Variants in TMEM38A observed in about 807,000 individuals in gnomAD.
TMEM38A encodes the protein transmembrane protein 38A.
TMEM38A carries 17 observed loss-of-function variants against 28.6 expected under a neutral mutation model. The ratio of observed to expected loss-of-function variants is 0.60; its 90% CI spans 0.41 to 0.89. The LOEUF (loss-of-function observed/expected upper bound fraction) is 0.89. Among genes scored for constraint, TMEM38A ranks in the 40% least tolerant of loss-of-function variants. The pLI, the probability that TMEM38A is intolerant of heterozygous loss-of-function variation, is 0.00. For synonymous variants in TMEM38A, 169 were observed against 166.1 expected, an observed-to-expected ratio of 1.02 and a Z score of -0.14; for missense variants, 328 against 393.1, an observed-to-expected ratio of 0.83 and a Z score of 1.40.
chr19:16,679,948 G>T, intron 1 of TMEM38A, 36 bp from the exon 2 acceptor site: 1 of 1,562,354 alleles, frequency 6.4e-7, no homozygotes, highest in Non-Finnish European at 8.6e-7. Context: ...CCCTTGGCAT[G>T]CTGGTGATGA....
chr19:16,661,323 T>C lies in TMEM38A; in HGVS notation c.106T>C (p.Tyr36His). The change falls in exon 1 of 6, where the codon TAC (tyrosine) becomes CAC (histidine). Residue 36 changes from tyrosine to histidine, a missense_variant. Tyr to His is a moderately conservative substitution (Grantham distance 83). Coordinates refer to ENST00000187762, the MANE Select transcript of TMEM38A (RefSeq NM_024074.4). This position sits in a 1 kb window ranked among gnomAD's most constrained non-coding sequence, Gnocchi z 6.5. ...CAGTTACTTCATCGTCTCCATCCTC[T>C]ACCTCAAGTATGAGCCAGGTGAGCC... ...DLSYFIVSILYLKYEPGAVEL... is the reference protein window; with the variant it reads ...DLSYFIVSILHLKYEPGAVEL... 1 of 1,590,396 alleles carries C rather than the reference T, an allele frequency of 6.3e-7. No homozygotes were observed. Among genetic ancestry groups the C allele is most frequent in the East Asian group, 2.4e-5 (1 of 42,036 alleles).
chr19:16,679,999 C>T lies in TMEM38A; in HGVS notation c.140C>T (p.Ser47Phe). ...LKYEPGAVEL[S>F]RRHPIASWLC... ...TGCCTCCCAGGAGCAGTCGAACTGTCCCGGCGCCACCCCATCGCGTCCTGG... is the reference window on the plus strand; with the variant it reads ...TGCCTCCCAGGAGCAGTCGAACTGTTCCGGCGCCACCCCATCGCGTCCTGG... The change falls in exon 2 of 6, where the codon TCC becomes TTC. Residue 47 changes from serine to phenylalanine, a missense_variant. Transcript: ENST00000187762. 6.2e-7 allele frequency: 1 copy of T among 1,607,140 alleles called. No individual in the cohort carries two copies.
Position 16,667,006 on chromosome 19 carries a change from C to G in TMEM38A, c.124+5665C>G, listed in dbSNP as rs1342684834. Among the ~76,000 whole-genome samples, 3 of 150,476 alleles carry G rather than the reference C, an allele frequency of 2.0e-5. No homozygotes were observed. The East Asian group carries it at 5.9e-4, about 29-fold the overall frequency. On this transcript the variant is annotated intron_variant, in intron 1 of 5. Coordinates refer to ENST00000187762, the MANE Select transcript of TMEM38A (RefSeq NM_024074.4). ...AGTTCTGGCCAAGCTCAGTGGCTCA[C>G]ACTTGTAATCCTAACACTTTGGGAG...
intron 4 of TMEM38A, among the ~76,000 whole-genome samples, chr19:16,684,302 C>T (rs888203349): frequency 2.7e-5 from 4 of 150,232 alleles, no homozygotes; most frequent in African/African-American, 7.3e-5. Flanking sequence ...TACAACATCC[C>T]ATCTCTAAAA....
At chr19:16,667,044 G>A (rs867729068) in intron 1 of TMEM38A, among the ~76,000 whole-genome samples, 25 of 151,476 alleles carry the variant, frequency 1.7e-4, no homozygotes, top group African/African-American at 5.6e-4. Flanking sequence ...CGAGGCGGGC[G>A]GATCACCCGA....
chr19:16,683,343 C>G (rs1448900861), intron 4 of TMEM38A, among the ~76,000 whole-genome samples: 1 of 151,744 alleles, frequency 6.6e-6, no homozygotes, highest in Non-Finnish European at 1.5e-5. Flanking sequence ...AATCTCTGCA[C>G]TTTGGGAGGC....
chr19:16,674,002 C>T (rs1377276282), intron 1 of TMEM38A, among the ~76,000 whole-genome samples: 1 of 151,966 alleles, frequency 6.6e-6, no homozygotes, highest in Admixed American at 6.6e-5. Context: ...ACTTGGAAGG[C>T]TCAAGCCCAG....
chr19:16,667,182 T>C (rs542317364), intron 1 of TMEM38A, among the ~76,000 whole-genome samples: 18 of 150,586 alleles, frequency 1.2e-4, no homozygotes, highest in South Asian at 8.3e-4. Context: ...GGCAGGAGAA[T>C]CACTTGAACC....
chr19:16,682,609 G>C (rs771422573), intron 4 of TMEM38A, 101 bp downstream of exon 4: 8 of 1,032,838 alleles, frequency 7.7e-6, no homozygotes, highest in Non-Finnish European at 1.1e-5. Context: ...CTCAACCCTT[G>C]ACTCTGCCTT....
rs2086799245 is a variant in TMEM38A at position 16,685,798 on chromosome 19, A to G, written c.555-490A>G. On this transcript the variant is annotated intron_variant, in intron 4 of 5. Transcript: ENST00000187762. ...AGGGCATATTCCAGGAGCTGGACAA[A>G]GGCCAGATCTTTCCTTGGACCAGGT... is the stretch of plus-strand genomic sequence containing the variant. 2.0e-5 allele frequency among the ~76,000 whole-genome samples: 3 copies of G among 152,232 alleles called. No individual in the cohort carries two copies. In the South Asian group the frequency reaches 6.2e-4, roughly 32 times the overall value.
intron 1 of TMEM38A, among the ~76,000 whole-genome samples, chr19:16,668,678 C>A (rs1034458589): frequency 6.6e-6 from 1 of 151,554 alleles, no homozygotes; most frequent in South Asian, 2.1e-4. Flanking sequence ...CAGAGTTTTG[C>A]CTTTTCCAGA....
intron 1 of TMEM38A, among the ~76,000 whole-genome samples, chr19:16,674,520 C>T (rs1472861491): frequency 6.6e-6 from 1 of 151,794 alleles, no homozygotes; most frequent in Non-Finnish European, 1.5e-5. Context: ...GGACCCAAGG[C>T]CGGGCGCCGT....
At chr19:16,665,665 A>C (rs74685533) in intron 1 of TMEM38A, among the ~76,000 whole-genome samples, 12,483 of 152,116 alleles carry the variant, frequency 0.082, 771 homozygotes, top group African/African-American at 0.17. Flanking sequence ...GATTGTAAAG[A>C]TCTATTGAGA....
chr19:16,675,549 T>A (rs2086746870), intron 1 of TMEM38A, among the ~76,000 whole-genome samples: 1 of 142,534 alleles, frequency 7.0e-6, no homozygotes, highest in African/African-American at 2.6e-5. Context: ...TGACTATTTT[T>A]TTTTTTTTTT....
chr19:16,663,559 C>G (rs538767736), intron 1 of TMEM38A, among the ~76,000 whole-genome samples: 1 of 150,236 alleles, frequency 6.7e-6, no homozygotes, highest in Admixed American at 6.6e-5. Context: ...AACGGAGTCT[C>G]GCTCTGTCGC....
At chr19:16,664,819 C>T (rs1276937195) in intron 1 of TMEM38A, among the ~76,000 whole-genome samples, 1 of 151,742 alleles carries the variant, frequency 6.6e-6, no homozygotes, top group African/African-American at 2.4e-5. Flanking sequence ...CACCCCACCG[C>T]CCTCCAGCCT....
chr19:16,675,316 C>T (rs1334018943), intron 1 of TMEM38A, among the ~76,000 whole-genome samples: 1 of 152,054 alleles, frequency 6.6e-6, no homozygotes, highest in Non-Finnish European at 1.5e-5. Flanking sequence ...TCACTGCAGC[C>T]TCAACCTTCC....
chr19:16,684,647 A>G (rs2086794247), intron 4 of TMEM38A, among the ~76,000 whole-genome samples: 2 of 152,190 alleles, frequency 1.3e-5, no homozygotes. Flanking sequence ...CTGATGGGGG[A>G]TCCCCAAGAT....
At chr19:16,676,919 C>T (rs914949982) in intron 1 of TMEM38A, among the ~76,000 whole-genome samples, 1 of 151,792 alleles carries the variant, frequency 6.6e-6, no homozygotes, top group African/African-American at 2.4e-5. Flanking sequence ...CACCACCACG[C>T]CTGGCTAATT....
Sources: gnomAD v4.1 joint callset for allele counts (sites outside exome capture counted in the v4.1 genomes callset) on GRCh38, gnomAD v4.1.1 for gene constraint, Gnocchi (gnomAD v3.1) non-coding constraint, MANE v1.5 for transcripts, NCBI Gene and HGNC (gene_info 2026-07-23, HGNC 2026-07-21) for gene names.